BACE1: variants seen among roughly 807,000 people sequenced by gnomAD.
BACE1 encodes the protein beta-secretase 1.
A neutral mutation model predicts 54.0 loss-of-function variants in BACE1; 21 were observed. The observed-to-expected ratio is 0.39, with a 90% CI of 0.28 to 0.56. The LOEUF (loss-of-function observed/expected upper bound fraction) is 0.56, where lower values mean the gene tolerates loss of function less well. BACE1 is among the 20% of genes least tolerant of loss of function. BACE1 has a pLI of 0.63. For missense variants in BACE1, 511 were observed against 661.2 expected (o/e 0.77, Z 2.49); for synonymous variants, 232 against 260.9 (o/e 0.89, Z 1.07).
In BACE1 at chr11:117,306,928, C is replaced by G. The variant is rs554168633; in HGVS notation, c.261+8607G>C. On this transcript the variant is annotated intron_variant, in intron 1 of 8. Transcript: ENST00000313005. ...GGGTGGCCCCAGAGTGACAGCAGCT[C>G]AGGAAATATGGTGACAGAGGATAAG... Among the ~76,000 whole-genome samples the G allele has an allele frequency of 3.3e-5, 5 of 152,280 alleles. No individual in the cohort carries two copies. In the South Asian group the frequency reaches 1.0e-3, roughly 32 times the overall value.
At position 117,310,155 on chromosome 11, in the gene BACE1, C is replaced by T. The variant is rs143238374; in HGVS notation, c.261+5380G>A. ...AATTCCCAGCCTCAGGTGATCCACC[C>T]GCCTCGGCCTCACCTGAGTGCTGGG... is the stretch of plus-strand genomic sequence containing the variant. On this transcript the variant is annotated intron_variant, in intron 1 of 8. Coordinates refer to ENST00000313005, the MANE Select transcript of BACE1 (RefSeq NM_012104.6). 8.9e-3 allele frequency among the ~76,000 whole-genome samples: 1,347 copies of T among 152,134 alleles called. 22 individuals are homozygous for T. The highest frequency in any genetic ancestry group is 0.031 in the African/African-American group (1,285 of 41,506).
rs1193503361 is a variant in BACE1 at position 117,293,726 on chromosome 11, T to C, written c.705+145A>G. 1 of 785,658 alleles carries C rather than the reference T, an allele frequency of 1.3e-6. No homozygotes were observed. Among genetic ancestry groups the C allele is most frequent in the Non-Finnish European group, 1.8e-6 (1 of 561,606 alleles). The allele number at this position is 785,658 out of a possible 1,614,324, so 48.7% of individuals were successfully genotyped here. ...CGCAAAAAAGAAAAGAATGGAAAAA[T>C]AAAGTAAGGGTAGGGAATATAAAGA... On this transcript the variant is annotated intron_variant, in intron 4 of 8. Transcript: ENST00000313005. The surrounding 1 kb of genome is among the most constrained non-coding windows in gnomAD (Gnocchi z 4.1).
chr11:117,294,193 A>T, intron 3 of BACE1, 185 bp from the exon 4 acceptor site: 5 of 476,732 alleles, frequency 1.0e-5, no homozygotes, highest in East Asian at 3.7e-5. Flanking sequence ...ACAGGACAGT[A>T]TTGATAGGTT....
chr11:117,308,348 C>T (rs2034875966), intron 1 of BACE1, among the ~76,000 whole-genome samples: 3 of 152,124 alleles, frequency 2.0e-5, no homozygotes, highest in African/African-American at 7.2e-5. Context: ...TTTAACTTGG[C>T]CTCTCTGTGG....
chr11:117,314,007 C>G (rs1021395216), intron 1 of BACE1, among the ~76,000 whole-genome samples: 4 of 152,200 alleles, frequency 2.6e-5, no homozygotes, highest in African/African-American at 9.7e-5. Flanking sequence ...CAAGGCCACA[C>G]AGCTGAGAAG....
rs748988221 is a variant in BACE1, at chr11:117,290,447, T to C, written c.1264+41A>G. On this transcript the variant is annotated intron_variant, in intron 8 of 8. Transcript: ENST00000313005. ...TAACTGTTGTTTGACAAGGAAAATATGGAGAGACTGACCCCAAACCCTCAG... is the reference window on the plus strand; with the variant it reads ...TAACTGTTGTTTGACAAGGAAAATACGGAGAGACTGACCCCAAACCCTCAG... 13 of 1,601,010 alleles carry C rather than the reference T, an allele frequency of 8.1e-6. No homozygotes were observed. In the East Asian group the frequency reaches 8.9e-5, roughly 11 times the overall value.
Position 117,315,567 on chromosome 11 carries a change from C to T in BACE1, c.229G>A (p.Val77Met). The part of the protein sequence containing the change: ...LRGKSGQGYY[V>M]EMTVGSPPQT... ...GGGGGGCTGCCCACGGTCATCTCCA[C>T]GTAGTAGCCCTGCCCCGACTTGCCC... The change falls in exon 1 of 9, where the codon GTG becomes ATG. Residue 77 changes from valine to methionine, a missense_variant. Physicochemically the swap from Val to Met is conservative, Grantham distance 21. Coordinates refer to ENST00000313005, the MANE Select transcript of BACE1 (RefSeq NM_012104.6). This position sits in a 1 kb window ranked among gnomAD's most constrained non-coding sequence, Gnocchi z 5.5. 3 of 1,589,266 alleles carry T rather than the reference C, an allele frequency of 1.9e-6. No homozygotes were observed. Among genetic ancestry groups the T allele is most frequent in the Non-Finnish European group, 1.7e-6 (2 of 1,169,350 alleles).
chr11:117,297,929 G>A (rs1354030231), intron 1 of BACE1, among the ~76,000 whole-genome samples: 1 of 152,164 alleles, frequency 6.6e-6, no homozygotes, highest in Non-Finnish European at 1.5e-5. Flanking sequence ...TCTGACAGCC[G>A]ACTCAAAATA....
intron 1 of BACE1, chr11:117,299,644 C>T (rs2034678666): frequency 2.5e-6 from 1 of 403,006 alleles, no homozygotes; most frequent in Non-Finnish European, 4.9e-6. Flanking sequence ...CCCTCTTCCC[C>T]TACCTCTACC....
At chr11:117,294,133 G>C in intron 3 of BACE1, 125 bp from the exon 4 acceptor site, 1 of 1,128,346 alleles carries the variant, frequency 8.9e-7, no homozygotes, top group Non-Finnish European at 1.2e-6. Context: ...ACCATCTTAA[G>C]GCACTGAGAT....
chr11:117,315,688 G>C lies in BACE1; in HGVS notation c.108C>G (p.Gly36=). Residue 36 remains glycine (G), a synonymous_variant, in exon 1 of 9, where the codon GGC becomes GGG. Coordinates refer to ENST00000313005, the MANE Select transcript of BACE1 (RefSeq NM_012104.6). The surrounding 1 kb of genome is among the most constrained non-coding windows in gnomAD (Gnocchi z 5.5). The part of the protein sequence containing the change: ...IRLPLRSGLG[G]APLGLRLPRE... ...GGGGCAGCCGCAGCCCCAGGGGGGCGCCCCCCAGGCCGCTGCGCAGGGGCA... is the reference window on the plus strand; with the variant it reads ...GGGGCAGCCGCAGCCCCAGGGGGGCCCCCCCCAGGCCGCTGCGCAGGGGCA... 2 of 1,512,722 alleles carry C rather than the reference G, an allele frequency of 1.3e-6. No homozygotes were observed. Among genetic ancestry groups the C allele is most frequent in the African/African-American group, 2.9e-5 (2 of 68,960 alleles). 93.7% of individuals were successfully genotyped at this position (1,512,722 alleles called of 1,614,324 possible). A position where few individuals can be genotyped will look rare whatever the true frequency, so the allele number is the denominator to read the frequency against.
In BACE1 at chr11:117,315,825, C is replaced by T. The variant is rs1306343664; in HGVS notation, c.-30G>A. ...GGCCCCGGCCTTCGGGCCCTCTGGG[C>T]TCGCACTGGCCCACGTCCGTCCCTG... On this transcript the variant is annotated 5_prime_UTR_variant, in exon 1 of 9. Transcript: ENST00000313005. This position sits in a 1 kb window ranked among gnomAD's most constrained non-coding sequence, Gnocchi z 5.5. 1 of 1,387,114 alleles carries T rather than the reference C, an allele frequency of 7.2e-7. No individual in the cohort carries two copies. Among genetic ancestry groups the T allele is most frequent in the Admixed American group, 3.8e-5 (1 of 26,034 alleles). 85.9% of individuals were successfully genotyped at this position (1,387,114 alleles called of 1,614,324 possible).
Position 117,293,075 on chromosome 11 carries a change from A to C in BACE1, c.819T>G (p.Asp273Glu). ...TTACCTCCTTGCAGTCCATTTTCAG[A>C]TCCTGTCCATTGATCTCCACCCGCA... is the stretch of plus-strand genomic sequence containing the variant. ...IIVRVEINGQ[D>E]LKMDCKEYNY... Residue 273 changes from aspartate to glutamate, a missense_variant, in exon 5 of 9, where the codon GAT (aspartate) becomes GAG (glutamate). Asp to Glu is a conservative substitution (Grantham distance 45, BLOSUM62 2). Coordinates refer to ENST00000313005, the MANE Select transcript of BACE1 (RefSeq NM_012104.6). The surrounding 1 kb of genome is among the most constrained non-coding windows in gnomAD (Gnocchi z 4.1). 6.2e-7 allele frequency: 1 copy of C among 1,613,880 alleles called. No individual in the cohort carries two copies. The highest frequency in any genetic ancestry group is 1.3e-5 in the African/African-American group (1 of 74,958).
chr11:117,291,392 C>T (rs1282275050), intron 6 of BACE1, among the ~76,000 whole-genome samples: 2 of 151,800 alleles, frequency 1.3e-5, no homozygotes, highest in Non-Finnish European at 1.5e-5. Flanking sequence ...ATTCTCCTGT[C>T]TCAGCCCCCT....
In BACE1 at chr11:117,295,367, A is replaced by G; in HGVS notation, c.351-20T>C. ...CTGGACCTGTGGAAAGAAGGCAGAG[A>G]TCTGTGGATGCATAACCACAACTGG... On this transcript the variant is annotated intron_variant, in intron 2 of 8. Transcript: ENST00000313005. 1 of 1,609,274 alleles carries G rather than the reference A, an allele frequency of 6.2e-7. No homozygotes were observed.
At position 117,316,063 on chromosome 11, in the gene BACE1, G is replaced by A. The variant is rs2134510972; in HGVS notation, c.-268C>T. The stretch of plus-strand genomic sequence containing the variant: ...CGGCGGCGGCCAGCCTGGGCAGCGG[G>A]CGCGGGCTCCCGGCGGGGCTGGGAG... On this transcript the variant is annotated 5_prime_UTR_variant, in exon 1 of 9. Coordinates refer to ENST00000313005, the MANE Select transcript of BACE1 (RefSeq NM_012104.6). 7.6e-6 allele frequency: 3 copies of A among 397,118 alleles called. No homozygotes were observed. Among genetic ancestry groups the A allele is most frequent in the Non-Finnish European group, 1.3e-5 (3 of 226,046 alleles). 24.6% of individuals were successfully genotyped at this position (397,118 alleles called of 1,614,324 possible).
intron 1 of BACE1, among the ~76,000 whole-genome samples, chr11:117,307,804 C>T (rs989714076): frequency 6.6e-6 from 1 of 152,120 alleles, no homozygotes; most frequent in African/African-American, 2.4e-5. Context: ...ATGAGTGCTC[C>T]AGCAAGGGCT....
At position 117,315,624 on chromosome 11, in the gene BACE1, C is replaced by T. The variant is rs750559464; in HGVS notation, c.172G>A (p.Gly58Ser). The T allele has an allele frequency of 1.3e-5, 20 of 1,586,274 alleles. No individual in the cohort carries two copies. Among genetic ancestry groups the T allele is most frequent in the Non-Finnish European group, 1.6e-5 (19 of 1,168,380 alleles). Residue 58 changes from glycine to serine, a missense_variant, in exon 1 of 9, where the codon GGC becomes AGC. Transcript: ENST00000313005. The surrounding 1 kb of genome is among the most constrained non-coding windows in gnomAD (Gnocchi z 5.5). ...TTGTCCACCATCTCCACAAAGCTGC[C>T]CCTCCGGCCGGGCTCCTCGGGCTCT... Reference protein sequence around the residue: ...DEEPEEPGRRGSFVEMVDNLR... With the variant: ...DEEPEEPGRRSSFVEMVDNLR...
Position 117,290,582 on chromosome 11 carries a change from C to T in BACE1, c.1170G>A (p.Thr390=), listed in dbSNP as rs150730974. The change falls in exon 8 of 9, where the codon ACG becomes ACA. Residue 390 remains threonine, a synonymous_variant. Transcript: ENST00000313005. ...TGATAACAGCTCCCATAACAGTGCC[C>T]GTGGATGACTGTGAGATGGCAAACT... is the stretch of plus-strand genomic sequence containing the variant. ...CYKFAISQSS[T]GTVMGAVIME... 50 of 1,614,106 alleles carry T rather than the reference C, an allele frequency of 3.1e-5. No individual in the cohort carries two copies. In the African/African-American group the frequency reaches 4.0e-4, roughly 13 times the overall value.
Sources: gnomAD v4.1 joint callset for allele counts (sites outside exome capture counted in the v4.1 genomes callset) on GRCh38, gnomAD v4.1.1 for gene constraint, Gnocchi (gnomAD v3.1) non-coding constraint, MANE v1.5 for transcripts, NCBI Gene and HGNC (gene_info 2026-07-23, HGNC 2026-07-21) for gene names.